PNPLA8: variants seen among roughly 807,000 people sequenced by gnomAD.
The protein encoded by PNPLA8 is calcium-independent phospholipase A2-gamma.
In PNPLA8, 39 loss-of-function variants were observed where a neutral mutation model predicts 76.9. That is an observed-to-expected ratio of 0.51 (90% CI 0.39 to 0.66). The LOEUF is 0.66. Ranked by LOEUF, PNPLA8 falls within the 30% of genes least tolerant of loss-of-function variation. The pLI is 0.00. For synonymous variants in PNPLA8, 301 were observed against 307.9 expected, an observed-to-expected ratio of 0.98 and a Z score of 0.24; for missense variants, 887 against 918.0, an observed-to-expected ratio of 0.97 and a Z score of 0.44.
chr7:108,497,014 T>C (rs1861596744), intron 6 of PNPLA8, among the ~76,000 whole-genome samples: 1 of 152,094 alleles, frequency 6.6e-6, no homozygotes, highest in Non-Finnish European at 1.5e-5. Context: ...ATTAAATAAA[T>C]GCTACCCCCA....
chr7:108,480,438 C>T (rs1272231824), intron 9 of PNPLA8, among the ~76,000 whole-genome samples: 1 of 152,164 alleles, frequency 6.6e-6, no homozygotes, highest in Non-Finnish European at 1.5e-5. Context: ...TAAGTGACTG[C>T]TCAGCCTCCT....
At chr7:108,520,751 C>A (rs541683208) in intron 2 of PNPLA8, among the ~76,000 whole-genome samples, 1 of 151,836 alleles carries the variant, frequency 6.6e-6, no homozygotes, top group Non-Finnish European at 1.5e-5. Flanking sequence ...TCATGCTCAA[C>A]TTGAAGAATA....
chr7:108,514,474 C>A lies in PNPLA8; in HGVS notation c.1018G>T (p.Ala340Ser), dbSNP rs147050396. 22 of 1,613,006 alleles carry A rather than the reference C, an allele frequency of 1.4e-5. No individual in the cohort carries two copies. The highest frequency in any genetic ancestry group is 1.7e-5 in the Non-Finnish European group (20 of 1,179,706). ...TDQAVSKDRN[A>S]EEKKRLSLQR... ...AGAGATAAACGCTTTTTCTCCTCTG[C>A]ATTTCTGTCTTTGCTGACAGCCTGA... is the stretch of plus-strand genomic sequence containing the variant. The change falls in exon 3 of 11, where the codon GCA (alanine) becomes TCA (serine). Residue 340 changes from alanine (A) to serine (S), a missense_variant. Ala to Ser is a moderately conservative substitution (Grantham distance 99). Transcript: ENST00000257694.
intron 5 of PNPLA8, among the ~76,000 whole-genome samples, chr7:108,500,892 C>A (rs927520339): frequency 6.6e-6 from 1 of 151,410 alleles, no homozygotes; most frequent in Non-Finnish European, 1.5e-5. Context: ...CCAGCCCGGA[C>A]AACCAGAGCA....
Position 108,472,516 on chromosome 7 carries a change from A to AT in PNPLA8, c.2233dup (p.Met745AsnfsTer19), listed in dbSNP as rs766712599. On this transcript the variant is annotated frameshift_variant, in exon 11 of 11. Coordinates refer to ENST00000257694, the MANE Select transcript of PNPLA8 (RefSeq NM_001256007.3). LOFTEE classifies it high-confidence loss of function. ...ACTTAATATTTTTGCAACTTTTTTC[A>AT]TTTTTTGTTCATTTCTTTCTATGTA... 2 of 1,609,776 alleles carry AT rather than the reference A, an allele frequency of 1.2e-6. No homozygotes were observed. Among genetic ancestry groups the AT allele is most frequent in the Non-Finnish European group, 8.5e-7 (1 of 1,178,920 alleles).
intron 9 of PNPLA8, among the ~76,000 whole-genome samples, chr7:108,482,265 G>A (rs925216647): frequency 6.6e-6 from 1 of 152,164 alleles, no homozygotes; most frequent in Non-Finnish European, 1.5e-5. Context: ...GAGCCCAGGA[G>A]TTCAAGACCA....
intron 9 of PNPLA8, among the ~76,000 whole-genome samples, chr7:108,482,291 T>C (rs145556648): frequency 0.038 from 5,857 of 152,156 alleles, 151 homozygotes; most frequent in South Asian, 0.1. Flanking sequence ...GACAACACAG[T>C]GAAACCTCAT....
intron 2 of PNPLA8, among the ~76,000 whole-genome samples, chr7:108,518,820 A>G (rs956586594): frequency 4.0e-5 from 6 of 150,906 alleles, no homozygotes. Flanking sequence ...TGCAGTTGAA[A>G]TCTTATGGAC....
At chr7:108,517,298 T>C (rs1450072602) in intron 2 of PNPLA8, among the ~76,000 whole-genome samples, 2 of 152,214 alleles carry the variant, frequency 1.3e-5, no homozygotes, top group African/African-American at 2.4e-5. Flanking sequence ...CTCTCACTCA[T>C]TGCTGAAGAA....
intron 1 of PNPLA8, among the ~76,000 whole-genome samples, chr7:108,522,397 C>T (rs1863809125): frequency 6.6e-6 from 1 of 152,078 alleles, no homozygotes; most frequent in Non-Finnish European, 1.5e-5. Context: ...TTGGTTTCCA[C>T]ACCTCCTTAT....
At chr7:108,495,214 T>C (rs1425884223) in intron 7 of PNPLA8, among the ~76,000 whole-genome samples, 1 of 152,196 alleles carries the variant, frequency 6.6e-6, no homozygotes, top group Non-Finnish European at 1.5e-5. Flanking sequence ...TTCTAGAAAT[T>C]TACTTTACTT....
intron 4 of PNPLA8, 150 bp from the exon 5 acceptor site, chr7:108,502,792 T>C: frequency 2.2e-6 from 1 of 457,502 alleles, no homozygotes; most frequent in East Asian, 3.5e-5. Context: ...ACAGATTAGT[T>C]TTTGATATAT....
At chr7:108,512,734 T>C (rs1255108761) in intron 4 of PNPLA8, among the ~76,000 whole-genome samples, 1 of 152,180 alleles carries the variant, frequency 6.6e-6, no homozygotes, top group Non-Finnish European at 1.5e-5. Context: ...GATGATTATT[T>C]AAGGGAAGGG....
intron 7 of PNPLA8, among the ~76,000 whole-genome samples, chr7:108,495,816 T>C (rs1220675977): frequency 6.6e-6 from 1 of 152,138 alleles, no homozygotes; most frequent in African/African-American, 2.4e-5. Context: ...GTGTAGTCTT[T>C]AAAAATATGT....
At chr7:108,492,736 G>A (rs1299846028) in intron 7 of PNPLA8, among the ~76,000 whole-genome samples, 5 of 151,990 alleles carry the variant, frequency 3.3e-5, no homozygotes, top group Admixed American at 6.6e-5. Flanking sequence ...AACAATGGGC[G>A]AAAAAATGCT....
intron 6 of PNPLA8, 83 bp downstream of exon 6, chr7:108,497,400 A>T: frequency 1.1e-6 from 1 of 918,152 alleles, no homozygotes; most frequent in Non-Finnish European, 1.7e-6. Context: ...AAGGCAAAGG[A>T]CTATGATCTT....
At chr7:108,500,485 T>A (rs1185815921) in intron 5 of PNPLA8, among the ~76,000 whole-genome samples, 1 of 152,248 alleles carries the variant, frequency 6.6e-6, no homozygotes, top group Non-Finnish European at 1.5e-5. Context: ...ATATTAAATA[T>A]GTTCAAGAAA....
At chr7:108,518,268 G>A (rs1863481464) in intron 2 of PNPLA8, 1 of 152,168 alleles carries the variant, frequency 6.6e-6, no homozygotes, top group Non-Finnish European at 1.5e-5. Context: ...ATAGCAGTAT[G>A]ATTCCAGCTG....
intron 8 of PNPLA8, 24 bp downstream of exon 8, chr7:108,491,386 A>ATAT (rs779953618): frequency 6.8e-7 from 1 of 1,466,472 alleles, no homozygotes; most frequent in Non-Finnish European, 9.6e-7. Flanking sequence ...ACTAGGTGTT[A>ATAT]TATTTAAGAG....
Sources: gnomAD v4.1 joint callset for allele counts (sites outside exome capture counted in the v4.1 genomes callset) on GRCh38, gnomAD v4.1.1 for gene constraint, MANE v1.5 for transcripts, NCBI Gene and HGNC (gene_info 2026-07-23, HGNC 2026-07-21) for gene names.